The following SLC2A9 variants were observed in gnomAD, a reference collection of about 807,000 sequenced individuals.
SLC2A9 encodes solute carrier family 2 member 9.
Under a neutral mutation model 50.6 loss-of-function variants are expected in SLC2A9, and 39 were observed. That is an observed-to-expected ratio of 0.77 (90% confidence interval 0.60 to 1.01). The LOEUF is 1.01. Among genes scored for constraint, SLC2A9 ranks in the 50% least tolerant of loss-of-function variants. The pLI, the probability that SLC2A9 is intolerant of heterozygous loss-of-function variation, is 0.00. For synonymous variants in SLC2A9, 324 were observed against 276.9 expected (o/e 1.17, Z -1.69); for missense variants, 686 against 677.6 (o/e 1.01, Z -0.14).
intron 7 of SLC2A9, among the ~76,000 whole-genome samples, chr4:9,909,379 T>A (rs1741277612): frequency 6.6e-6 from 1 of 152,218 alleles, no homozygotes; most frequent in African/African-American, 2.4e-5. Flanking sequence ...ATACCAGCCC[T>A]CGCAACTTAT....
rs181291821 is a variant in SLC2A9, at chr4:9,851,590, G to A, written c.1292-16582C>T. ...TTAACCATAGTGAAATGACTGAAAT[G>A]ACAGACATAGAATTCAGAATATGGA... On this transcript the variant is annotated intron_variant, in intron 10 of 11. Transcript: ENST00000264784. 2.6e-5 allele frequency among the ~76,000 whole-genome samples: 4 copies of A among 152,286 alleles called. No individual in the cohort carries two copies. The South Asian group carries it at 8.3e-4, about 32-fold the overall frequency.
At chr4:9,885,239 A>G (rs1560238704) in intron 10 of SLC2A9, among the ~76,000 whole-genome samples, 1 of 152,066 alleles carries the variant, frequency 6.6e-6, no homozygotes, top group African/African-American at 2.4e-5. Flanking sequence ...CCTCCTGCCT[A>G]CCCCTGCTCT....
At chr4:9,868,020 G>A (rs1184344713) in intron 10 of SLC2A9, among the ~76,000 whole-genome samples, 3 of 152,180 alleles carry the variant, frequency 2.0e-5, no homozygotes, top group African/African-American at 7.2e-5. Context: ...TTCTGCCCAT[G>A]CTGACTTCTC....
chr4:9,896,260 C>T (rs1328523890), intron 8 of SLC2A9, among the ~76,000 whole-genome samples: 2 of 152,224 alleles, frequency 1.3e-5, no homozygotes, highest in Non-Finnish European at 2.9e-5. Flanking sequence ...CTTGGCAACA[C>T]GTGGTATTAT....
At chr4:10,024,328 C>T (rs1458205320), upstream of SLC2A9, among the ~76,000 whole-genome samples, 2 of 152,166 alleles carry the variant, frequency 1.3e-5, no homozygotes, top group African/African-American at 4.8e-5. Flanking sequence ...AAGTACCTGA[C>T]AATGTGACTG....
intron 3 of SLC2A9, among the ~76,000 whole-genome samples, chr4:9,994,714 C>G (rs190999881): frequency 6.6e-6 from 1 of 152,148 alleles, no homozygotes; most frequent in African/African-American, 2.4e-5. Context: ...TCAGGACTTG[C>G]TGAGCCACGG....
intron 10 of SLC2A9, among the ~76,000 whole-genome samples, chr4:9,886,959 G>T (rs1007620660): frequency 6.6e-6 from 1 of 152,214 alleles, no homozygotes. Flanking sequence ...AGCAGGGCTA[G>T]AAGTGAGTCC....
At chr4:9,989,288 T>C (rs1757278937) in intron 3 of SLC2A9, among the ~76,000 whole-genome samples, 1 of 152,190 alleles carries the variant, frequency 6.6e-6, no homozygotes, top group Admixed American at 6.5e-5. Flanking sequence ...GGCTGTGTTG[T>C]CCTTTCTCAC....
At chr4:10,026,814 C>T (rs7669699) in intron 1 of SLC2A9, among the ~76,000 whole-genome samples, 49,128 of 151,972 alleles carry the variant, frequency 0.32, 9,206 homozygotes, top group African/African-American at 0.51. Flanking sequence ...GAGGCCGAGG[C>T]GGGTGGATCA....
At chr4:9,846,289 G>A (rs564057192) in intron 10 of SLC2A9, among the ~76,000 whole-genome samples, 1 of 152,196 alleles carries the variant, frequency 6.6e-6, no homozygotes, top group Non-Finnish European at 1.5e-5. Context: ...CTCATGCCCT[G>A]CAGCATGTTG....
intron 10 of SLC2A9, among the ~76,000 whole-genome samples, chr4:9,872,064 G>C (rs1733531677): frequency 6.6e-6 from 1 of 152,210 alleles, no homozygotes; most frequent in African/African-American, 2.4e-5. Context: ...TCCTCATCCA[G>C]GGACCCGGGT....
intron 7 of SLC2A9, among the ~76,000 whole-genome samples, chr4:9,908,745 G>C (rs1205625702): frequency 6.6e-6 from 1 of 151,886 alleles, no homozygotes; most frequent in Non-Finnish European, 1.5e-5. Flanking sequence ...ATGTTCTCCT[G>C]CATTACTGGG....
chr4:9,909,294 G>C (rs1383697935), intron 7 of SLC2A9, among the ~76,000 whole-genome samples: 1 of 152,176 alleles, frequency 6.6e-6, no homozygotes, highest in East Asian at 1.9e-4. Context: ...TGAGAGTGTT[G>C]ATAATTATGC....
chr4:10,028,508 C>G (rs766683437), intron 1 of SLC2A9, among the ~76,000 whole-genome samples: 4 of 152,208 alleles, frequency 2.6e-5, no homozygotes, highest in Non-Finnish European at 5.9e-5. Context: ...TCTCTGAGCT[C>G]AGCTTCCCTA....
chr4:9,792,171 T>TC (rs1265109349), intron 3 of SLC2A9, among the ~76,000 whole-genome samples: 2 of 140,546 alleles, frequency 1.4e-5, no homozygotes, highest in Non-Finnish European at 3.1e-5. Flanking sequence ...TTCTTTTTTT[T>TC]TTTTTTTTTT....
chr4:9,773,173 A>G (rs1366735474), intron 1 of SLC2A9, among the ~76,000 whole-genome samples: 2 of 152,146 alleles, frequency 1.3e-5, no homozygotes, highest in Non-Finnish European at 1.5e-5. Context: ...TTTCAAGAGG[A>G]GGCTCTAGGG....
At chr4:10,024,993 T>C (rs554965601), upstream of SLC2A9, among the ~76,000 whole-genome samples, 1 of 152,312 alleles carries the variant, frequency 6.6e-6, no homozygotes, top group Admixed American at 6.5e-5. Flanking sequence ...TTGACATTAT[T>C]CTTGCGTGGG....
At chr4:9,970,793 C>A (rs1470661385) in intron 5 of SLC2A9, among the ~76,000 whole-genome samples, 1 of 152,192 alleles carries the variant, frequency 6.6e-6, no homozygotes, top group African/African-American at 2.4e-5. Flanking sequence ...GCAGGCAGCC[C>A]AGCGCCAGGC....
intron 5 of SLC2A9, among the ~76,000 whole-genome samples, chr4:9,960,095 A>AGAG (rs1752018573): frequency 6.6e-6 from 1 of 152,202 alleles, no homozygotes; most frequent in Non-Finnish European, 1.5e-5. Flanking sequence ...CCGCAAGTCA[A>AGAG]GAAGTTATAC....
Sources: allele counts gnomAD v4.1 joint callset (sites outside exome capture counted in the v4.1 genomes callset), GRCh38; gene constraint gnomAD v4.1.1; transcripts MANE v1.5; gene names NCBI Gene and HGNC (gene_info 2026-07-23, HGNC 2026-07-21).